Variants in ABI3BP observed in about 807,000 individuals in gnomAD.
The protein encoded by ABI3BP is target of Nesh-SH3.
ABI3BP carries 216 observed loss-of-function variants against 268.6 expected under a neutral mutation model. That is an observed-to-expected ratio of 0.80 (90% CI 0.72 to 0.90). The LOEUF (loss-of-function observed/expected upper bound fraction) is 0.90. Among genes scored for constraint, ABI3BP ranks in the 40% least tolerant of loss-of-function variants. ABI3BP has a pLI of 0.00. For synonymous variants in ABI3BP, 730 were observed against 730.0 expected, an observed-to-expected ratio of 1.00 and a Z score of 0.00; for missense variants, 2,090 against 2,182.4, an observed-to-expected ratio of 0.96 and a Z score of 0.84.
Position 100,784,940 on chromosome 3 carries a change from A to T in ABI3BP, c.4162+2788T>A, listed in dbSNP as rs1265497561. 2.0e-5 allele frequency among the ~76,000 whole-genome samples: 3 copies of T among 152,314 alleles called. No homozygotes were observed. The South Asian group carries it at 6.2e-4, about 32-fold the overall frequency. On this transcript the variant is annotated intron_variant, in intron 57 of 67. Coordinates refer to ENST00000471714, the MANE Select transcript of ABI3BP (RefSeq NM_001375547.2). ...CTACAACTTATTAGGTACAGTGTACACTACTCAGGTAATGAGTGCACTAAA... is the reference window on the plus strand; with the variant it reads ...CTACAACTTATTAGGTACAGTGTACTCTACTCAGGTAATGAGTGCACTAAA...
chr3:100,796,364 T>G, intron 52 of ABI3BP, 45 bp downstream of exon 52: 1 of 1,442,572 alleles, frequency 6.9e-7, no homozygotes, highest in Non-Finnish European at 9.3e-7. Context: ...TTTTTTTTTT[T>G]GAAAAATATA....
At chr3:100,964,363 C>T (rs1314650943) in intron 1 of ABI3BP, among the ~76,000 whole-genome samples, 4 of 152,184 alleles carry the variant, frequency 2.6e-5, no homozygotes, top group Non-Finnish European at 2.9e-5. Flanking sequence ...GTGAGCCCTC[C>T]ATAAATCAGA....
At chr3:100,926,061 T>C (rs143397585) in intron 2 of ABI3BP, among the ~76,000 whole-genome samples, 1 of 152,162 alleles carries the variant, frequency 6.6e-6, no homozygotes, top group African/African-American at 2.4e-5. Flanking sequence ...TTTGTCCTTA[T>C]GAATTCTTGA....
intron 24 of ABI3BP, 21 bp downstream of exon 24, chr3:100,839,548 T>C (rs1250338054): frequency 6.5e-7 from 1 of 1,535,494 alleles, no homozygotes; most frequent in African/African-American, 1.4e-5. Context: ...AAAGCAGCCG[T>C]GGTGGAGGGA....
chr3:100,884,288 GAA>G (rs889941363), intron 6 of ABI3BP, among the ~76,000 whole-genome samples: 1 of 148,108 alleles, frequency 6.8e-6, no homozygotes, highest in African/African-American at 2.5e-5. Flanking sequence ...AAGAGAGCGA[GAA>G]AAAAAAACAG....
chr3:100,789,846 T>C (rs2097151843), intron 55 of ABI3BP, among the ~76,000 whole-genome samples: 1 of 152,018 alleles, frequency 6.6e-6, no homozygotes, highest in African/African-American at 2.4e-5. Flanking sequence ...CATCCATCTG[T>C]CTGTTCATCT....
chr3:100,913,583 T>C lies in ABI3BP; in HGVS notation c.260-10897A>G, dbSNP rs572423641. On this transcript the variant is annotated intron_variant, in intron 2 of 67. Transcript: ENST00000471714. ...TAGCTTTGCAAAATTTCATGGTAGC[T>C]TGAAGCTCAAGTAGAATAGAGTAGC... Among the ~76,000 whole-genome samples, 21 of 152,250 alleles carry C rather than the reference T, an allele frequency of 1.4e-4. 1 individual carries two copies. The highest frequency in any genetic ancestry group is 9.8e-4 in the Admixed American group (15 of 15,284).
At chr3:100,826,745 C>G (rs1407467095) in intron 34 of ABI3BP, among the ~76,000 whole-genome samples, 1 of 152,038 alleles carries the variant, frequency 6.6e-6, no homozygotes, top group Non-Finnish European at 1.5e-5. Context: ...ACTCAAGAGG[C>G]TGGGTAAGGG....
intron 61 of ABI3BP, among the ~76,000 whole-genome samples, chr3:100,773,660 CT>C (rs1185700084): frequency 6.6e-6 from 1 of 152,120 alleles, no homozygotes; most frequent in Non-Finnish European, 1.5e-5. Context: ...GTCATAATAG[CT>C]TTATCAGTAA....
chr3:100,784,707 A>C (rs2096972136), intron 57 of ABI3BP, among the ~76,000 whole-genome samples: 1 of 152,212 alleles, frequency 6.6e-6, no homozygotes, highest in African/African-American at 2.4e-5. Flanking sequence ...GTGATAAAAA[A>C]GGAACATGAT....
chr3:100,812,304 T>A (rs1211349525), intron 46 of ABI3BP, among the ~76,000 whole-genome samples, 163 bp downstream of exon 46: 1 of 152,138 alleles, frequency 6.6e-6, no homozygotes, highest in Non-Finnish European at 1.5e-5. Flanking sequence ...GTGAACACAA[T>A]GTGCTGTATA....
At position 100,862,839 on chromosome 3, in the gene ABI3BP, C is replaced by T. The variant is rs2099012761; in HGVS notation, c.1209G>A (p.Leu403=). 12 of 1,533,400 alleles carry T rather than the reference C, an allele frequency of 7.8e-6. No homozygotes were observed. Among genetic ancestry groups the T allele is most frequent in the Non-Finnish European group, 9.6e-6 (11 of 1,144,794 alleles). 95.0% of individuals were successfully genotyped at this position (1,533,400 alleles called of 1,614,324 possible). Reference sequence around the variant, plus strand: ...TTAAATTTAAGGTACTCTTATTACCCAATGTGCCCCTAGGTTTCTCAAAAG... The same window carrying T: ...TTAAATTTAAGGTACTCTTATTACCTAATGTGCCCCTAGGTTTCTCAAAAG... The part of the protein sequence containing the change: ...PFPFEKPRGT[L]ASSEKPWIVP... Residue 403 remains leucine, a splice_region_variant and synonymous_variant, in exon 13 of 68, where the codon TTG becomes TTA. Transcript: ENST00000471714.
chr3:100,804,761 A>C (rs368217246), intron 51 of ABI3BP, 31 bp downstream of exon 51: 7 of 1,588,234 alleles, frequency 4.4e-6, no homozygotes, highest in Non-Finnish European at 6.1e-6. Flanking sequence ...AGTAGAATGC[A>C]TTTGGCTTAA....
At chr3:100,769,977 C>T (rs899691413) in intron 62 of ABI3BP, among the ~76,000 whole-genome samples, 26 of 152,180 alleles carry the variant, frequency 1.7e-4, no homozygotes, top group African/African-American at 4.1e-4. Flanking sequence ...TCCCTGCATG[C>T]GCTACCTGGT....
chr3:100,938,334 C>A (rs951477321), intron 1 of ABI3BP, among the ~76,000 whole-genome samples: 3 of 150,924 alleles, frequency 2.0e-5, no homozygotes, highest in African/African-American at 2.4e-5. Context: ...TAGGGATTGG[C>A]AATAATTTAA....
intron 12 of ABI3BP, 168 bp from the exon 13 acceptor site, chr3:100,863,077 G>A: frequency 3.5e-6 from 2 of 566,616 alleles, no homozygotes; most frequent in Non-Finnish European, 3.1e-6. Context: ...ATATAAGAAA[G>A]TTTCTTTTTC....
intron 30 of ABI3BP, 81 bp downstream of exon 30, chr3:100,833,044 A>G (rs1056345353): frequency 8.4e-7 from 1 of 1,188,360 alleles, no homozygotes; most frequent in Non-Finnish European, 1.2e-6. Context: ...AAAAGATGGT[A>G]CAATAGCCTA....
intron 11 of ABI3BP, chr3:100,864,388 G>T: frequency 2.7e-6 from 1 of 368,064 alleles, no homozygotes; most frequent in Non-Finnish European, 4.9e-6. Flanking sequence ...CAACAAACAT[G>T]GGTGCCATGA....
At chr3:100,926,569 G>T in intron 1 of ABI3BP, 88 bp from the exon 2 acceptor site, 2 of 1,250,724 alleles carry the variant, frequency 1.6e-6, no homozygotes, top group South Asian at 1.4e-5. Flanking sequence ...GTGGCTAGAG[G>T]CATTGTTCTT....
Sources: allele counts gnomAD v4.1 joint callset (sites outside exome capture counted in the v4.1 genomes callset), GRCh38; gene constraint gnomAD v4.1.1; transcripts MANE v1.5; gene names NCBI Gene and HGNC (gene_info 2026-07-23, HGNC 2026-07-21).